The following CACNA1E variants were observed in gnomAD, a reference collection of about 807,000 sequenced individuals.
CACNA1E encodes calcium voltage-gated channel subunit alpha1 E.
Under a neutral mutation model 259.2 loss-of-function variants are expected in CACNA1E, and 40 were observed. The observed-to-expected ratio is 0.15, with a 90% CI of 0.12 to 0.20. CACNA1E has a LOEUF of 0.20. CACNA1E is among the 10% of genes least tolerant of loss of function. CACNA1E has a pLI of 1.00. For missense variants in CACNA1E, 1,874 were observed against 3,040.1 expected (o/e 0.62, Z 9.02); for synonymous variants, 1,104 against 1,138.5 (o/e 0.97, Z 0.61).
At chr1:181,722,964 G>A (rs1654547951) in intron 16 of CACNA1E, among the ~76,000 whole-genome samples, 1 of 152,178 alleles carries the variant, frequency 6.6e-6, no homozygotes, top group Non-Finnish European at 1.5e-5. Context: ...TATTCTGGGG[G>A]TAGTCAGAGC....
chr1:181,737,592 G>A lies in CACNA1E; in HGVS notation c.3490G>A (p.Ala1164Thr). 3 of 1,614,048 alleles carry A rather than the reference G, an allele frequency of 1.9e-6. No individual in the cohort carries two copies. The South Asian group carries it at 3.3e-5, about 18-fold the overall frequency. ...YFEMCILLVI[A>T]ASSIALAAED... ...TGAGATGTGCATCCTCCTGGTGATT[G>A]CAGCCAGCAGCATCGCCCTGGCGGC... Residue 1164 changes from alanine to threonine, a missense_variant, in exon 23 of 48, where the codon GCA becomes ACA. This residue lies in a region of CACNA1E where 56 missense variants were observed against 97.4 expected (regional missense o/e 0.57). Coordinates refer to ENST00000367573, the MANE Select transcript of CACNA1E (RefSeq NM_001205293.3).
In CACNA1E at chr1:181,483,756, C is replaced by T. The variant is rs1228809248; in HGVS notation, c.12C>T (p.Phe4=). 3.1e-6 allele frequency: 5 copies of T among 1,608,680 alleles called. No individual in the cohort carries two copies. Among genetic ancestry groups the T allele is most frequent in the African/African-American group, 1.3e-5 (1 of 74,720 alleles). Residue 4 remains phenylalanine (F), a synonymous_variant, in exon 1 of 48, where the codon TTC becomes TTT. Coordinates refer to ENST00000367573, the MANE Select transcript of CACNA1E (RefSeq NM_001205293.3). MAR[F]GEAVVARPGS... ...GTTTAAACCTCAGGATGGCTCGCTTCGGGGAGGCGGTGGTCGCCAGGCCAG... is the reference window on the plus strand; with the variant it reads ...GTTTAAACCTCAGGATGGCTCGCTTTGGGGAGGCGGTGGTCGCCAGGCCAG...
At chr1:181,500,428 G>A (rs1206061368) in intron 1 of CACNA1E, among the ~76,000 whole-genome samples, 1 of 152,200 alleles carries the variant, frequency 6.6e-6, no homozygotes, top group African/African-American at 2.4e-5. Context: ...CATGGAGAGA[G>A]TATTTATACC....
At chr1:181,598,485 C>T (rs1177716801) in intron 6 of CACNA1E, among the ~76,000 whole-genome samples, 2 of 152,006 alleles carry the variant, frequency 1.3e-5, no homozygotes, top group Non-Finnish European at 2.9e-5. Flanking sequence ...GGAGGTATGA[C>T]ATTTGTGTGC....
intron 34 of CACNA1E, among the ~76,000 whole-genome samples, chr1:181,764,280 T>C (rs909237436): frequency 2.0e-5 from 3 of 152,218 alleles, no homozygotes; most frequent in African/African-American, 4.8e-5. Context: ...TTTTAAGCTT[T>C]GGGGGGCCTA....
chr1:181,555,483 C>G (rs1022875775), intron 3 of CACNA1E, among the ~76,000 whole-genome samples: 3 of 152,324 alleles, frequency 2.0e-5, no homozygotes, highest in African/African-American at 4.8e-5. Context: ...CCTCCCCCAG[C>G]CTCAGAAGGC....
intron 1 of CACNA1E, among the ~76,000 whole-genome samples, chr1:181,495,960 T>C (rs1025189630): frequency 6.6e-6 from 1 of 152,240 alleles, no homozygotes; most frequent in African/African-American, 2.4e-5. Flanking sequence ...GTTTTCTGTC[T>C]TTCATAGTTA....
intron 7 of CACNA1E, among the ~76,000 whole-genome samples, chr1:181,703,084 C>T (rs74421650): frequency 7.3e-4 from 111 of 152,252 alleles, no homozygotes; most frequent in Admixed American, 2.8e-3. Flanking sequence ...AGGTGCATAC[C>T]AGCATGCCCA....
At chr1:181,593,542 A>C (rs1387222037) in intron 6 of CACNA1E, among the ~76,000 whole-genome samples, 1 of 152,036 alleles carries the variant, frequency 6.6e-6, no homozygotes, top group Non-Finnish European at 1.5e-5. Flanking sequence ...ATGTTTCAGA[A>C]CTTTTTTTCT....
rs1662709074 is a variant in CACNA1E, at chr1:181,807,445, C to T, written c.*8611C>T. 1 of 152,058 alleles carries T rather than the reference C, an allele frequency of 6.6e-6. No homozygotes were observed. The highest frequency in any genetic ancestry group is 2.1e-4 in the South Asian group (1 of 4,820). The allele number at this position is 152,058 out of a possible 1,614,324, so 9.4% of individuals were successfully genotyped here. On this transcript the variant is annotated 3_prime_UTR_variant, in exon 48 of 48. Transcript: ENST00000367573. ...AGATACTGTCCATTCTTCCTCCTGT[C>T]CACATCACTCCCCATTTAACTGCAA...
intron 6 of CACNA1E, among the ~76,000 whole-genome samples, chr1:181,583,151 C>A (rs1325189458): frequency 6.7e-6 from 1 of 149,780 alleles, no homozygotes; most frequent in Non-Finnish European, 1.5e-5. Flanking sequence ...CACACTTATA[C>A]ACACTGGTTG....
At chr1:181,632,401 A>G (rs1378537757) in intron 6 of CACNA1E, among the ~76,000 whole-genome samples, 2 of 152,132 alleles carry the variant, frequency 1.3e-5, no homozygotes, top group African/African-American at 4.8e-5. Context: ...TGGTCAAGGC[A>G]TGGGGTGGGA....
At chr1:181,515,952 G>A (rs1431915845) in intron 3 of CACNA1E, among the ~76,000 whole-genome samples, 1 of 152,156 alleles carries the variant, frequency 6.6e-6, no homozygotes, top group Admixed American at 6.5e-5. Context: ...GGGTAAAGAG[G>A]GATTGTCTGT....
chr1:181,584,128 C>A (rs944021322), intron 6 of CACNA1E, among the ~76,000 whole-genome samples: 1 of 152,142 alleles, frequency 6.6e-6, no homozygotes, highest in Non-Finnish European at 1.5e-5. Context: ...TCTGCTGATT[C>A]AGTTAGCTCT....
At chr1:181,725,622 T>C (rs1000617281) in intron 17 of CACNA1E, among the ~76,000 whole-genome samples, 2 of 152,194 alleles carry the variant, frequency 1.3e-5, no homozygotes, top group South Asian at 2.1e-4. Flanking sequence ...AAGAAGACAC[T>C]ACAATGGGGC....
intron 1 of CACNA1E, among the ~76,000 whole-genome samples, chr1:181,506,373 GC>G (rs899007431): frequency 1.3e-5 from 2 of 152,208 alleles, no homozygotes; most frequent in African/African-American, 4.8e-5. Context: ...CTCGGAGGCA[GC>G]CTGCAAGGGT....
At chr1:181,535,265 G>A (rs1267605558) in intron 3 of CACNA1E, among the ~76,000 whole-genome samples, 1 of 152,132 alleles carries the variant, frequency 6.6e-6, no homozygotes, top group Non-Finnish European at 1.5e-5. Context: ...CAGGTCCTCA[G>A]AGGCTTAAAC....
intron 7 of CACNA1E, among the ~76,000 whole-genome samples, chr1:181,663,466 T>C (rs1328115979): frequency 6.6e-6 from 1 of 152,214 alleles, no homozygotes; most frequent in African/African-American, 2.4e-5. Flanking sequence ...GCTGAGGATG[T>C]CTTTCCATGT....
intron 2 of CACNA1E, among the ~76,000 whole-genome samples, chr1:181,464,193 T>C (rs1662001204): frequency 6.6e-6 from 1 of 152,188 alleles, no homozygotes; most frequent in African/African-American, 2.4e-5. Context: ...CCCCAAATTG[T>C]CTTGGCTATT....
Sources: gnomAD v4.1 joint callset for allele counts (sites outside exome capture counted in the v4.1 genomes callset) on GRCh38, gnomAD v4.1.1 for gene constraint, gnomAD v4.1.1 regional missense constraint, MANE v1.5 for transcripts, NCBI Gene and HGNC (gene_info 2026-07-23, HGNC 2026-07-21) for gene names.